Variants in GRM5 observed in about 807,000 individuals in gnomAD.
GRM5 encodes the protein glutamate metabotropic receptor 5, also known as metabotropic glutamate receptor 5.
In GRM5, 19 loss-of-function variants were observed where a neutral mutation model predicts 83.1. The ratio of observed to expected loss-of-function variants is 0.23; its 90% CI spans 0.16 to 0.34. The LOEUF is 0.34. Ranked by LOEUF, GRM5 falls within the 10% of genes least tolerant of loss-of-function variation. The pLI is 1.00. For synonymous variants in GRM5, 675 were observed against 633.6 expected (o/e 1.07, Z -0.98); for missense variants, 1,160 against 1,588.3 (o/e 0.73, Z 4.58).
intron 3 of GRM5, among the ~76,000 whole-genome samples, chr11:88,752,732 C>A (rs1273592374): frequency 6.6e-6 from 1 of 152,168 alleles, no homozygotes; most frequent in Non-Finnish European, 1.5e-5. Flanking sequence ...GTAACCAAAG[C>A]AGCATACTAC....
At chr11:88,631,395 C>T (rs990484298) in intron 4 of GRM5, among the ~76,000 whole-genome samples, 1 of 152,084 alleles carries the variant, frequency 6.6e-6, no homozygotes, top group African/African-American at 2.4e-5. Flanking sequence ...TTTACTAATA[C>T]CACATATTGT....
intron 3 of GRM5, among the ~76,000 whole-genome samples, chr11:88,797,239 T>A (rs1019552897): frequency 1.3e-5 from 2 of 152,100 alleles, no homozygotes; most frequent in Non-Finnish European, 2.9e-5. Flanking sequence ...AACCTCCGCC[T>A]CCTGGGTTCA....
At chr11:88,626,368 A>T (rs1163383496) in intron 4 of GRM5, among the ~76,000 whole-genome samples, 1 of 152,134 alleles carries the variant, frequency 6.6e-6, no homozygotes, top group Non-Finnish European at 1.5e-5. Flanking sequence ...ACCTTCTGGC[A>T]ATAAGAGTTT....
intron 3 of GRM5, among the ~76,000 whole-genome samples, chr11:88,845,578 C>G (rs12269830): frequency 2.0e-5 from 3 of 151,612 alleles, no homozygotes; most frequent in Non-Finnish European, 4.4e-5. Context: ...GGACTACAGG[C>G]GCACGCCGCG....
chr11:88,877,050 A>G (rs1944866957), intron 2 of GRM5, among the ~76,000 whole-genome samples: 2 of 152,044 alleles, frequency 1.3e-5, no homozygotes, highest in South Asian at 4.1e-4. Context: ...GATAGTGGTT[A>G]CCAGATGCTG....
intron 3 of GRM5, among the ~76,000 whole-genome samples, chr11:88,816,532 C>G (rs1278234388): frequency 7.2e-6 from 1 of 138,136 alleles, no homozygotes; most frequent in Non-Finnish European, 1.5e-5. Context: ...GAGCAAGACT[C>G]CATCTCAAAA....
At chr11:88,713,679 AAAC>A (rs937147593) in intron 3 of GRM5, among the ~76,000 whole-genome samples, 1 of 152,186 alleles carries the variant, frequency 6.6e-6, no homozygotes, top group East Asian at 1.9e-4. Flanking sequence ...ATAGAAAGAA[AAAC>A]AACATTTTTT....
rs374308890 is a variant in GRM5, at chr11:88,604,066, T to C, written c.1394+652A>G. Among the ~76,000 whole-genome samples the C allele has an allele frequency of 1.1e-3, 175 of 152,264 alleles. 1 individual carries two copies. In the Middle Eastern group the frequency reaches 0.014, roughly 12 times the overall value. ...TGACTATGTAGAGTCATTTAAGAAT[T>C]TGGAGTAGAAGACAAATGTGAATTA... On this transcript the variant is annotated intron_variant, in intron 5 of 9. Coordinates refer to ENST00000305447, the MANE Select transcript of GRM5 (RefSeq NM_001143831.3).
At chr11:88,627,207 A>G (rs975083619) in intron 4 of GRM5, among the ~76,000 whole-genome samples, 1 of 152,220 alleles carries the variant, frequency 6.6e-6, no homozygotes, top group Non-Finnish European at 1.5e-5. Context: ...CAGGATATAA[A>G]TCTAGCCTGT....
intron 3 of GRM5, among the ~76,000 whole-genome samples, chr11:88,836,756 C>T (rs1241578925): frequency 6.6e-6 from 1 of 152,134 alleles, no homozygotes; most frequent in Non-Finnish European, 1.5e-5. Context: ...CATACCGCCA[C>T]TGCACTCCAG....
At chr11:88,971,995 G>A (rs748898109) in intron 2 of GRM5, among the ~76,000 whole-genome samples, 6 of 152,000 alleles carry the variant, frequency 3.9e-5, no homozygotes, top group African/African-American at 7.2e-5. Flanking sequence ...TCAAGTCTGG[G>A]ACAAATTCAA....
At chr11:88,811,158 T>A (rs1215679931) in intron 3 of GRM5, among the ~76,000 whole-genome samples, 2 of 152,080 alleles carry the variant, frequency 1.3e-5, no homozygotes, top group Non-Finnish European at 2.9e-5. Flanking sequence ...GTGGATCACT[T>A]AGAAGGACAA....
At chr11:88,926,298 T>C (rs1945788544) in intron 2 of GRM5, among the ~76,000 whole-genome samples, 1 of 152,196 alleles carries the variant, frequency 6.6e-6, no homozygotes, top group Non-Finnish European at 1.5e-5. Context: ...ATACTTTGTT[T>C]TCTACAGTGT....
chr11:88,788,773 G>A (rs1353996515), intron 3 of GRM5, among the ~76,000 whole-genome samples: 2 of 152,162 alleles, frequency 1.3e-5, no homozygotes. Context: ...AAACTAGAAA[G>A]GGGGCTATTA....
intron 2 of GRM5, among the ~76,000 whole-genome samples, chr11:88,855,316 T>A (rs1185152304): frequency 6.6e-6 from 1 of 151,918 alleles, no homozygotes; most frequent in Non-Finnish European, 1.5e-5. Flanking sequence ...TTTTTACTAT[T>A]CTCTTTCATA....
At chr11:89,062,485 C>T (rs1302024157) in intron 1 of GRM5, among the ~76,000 whole-genome samples, 1 of 152,128 alleles carries the variant, frequency 6.6e-6, no homozygotes, top group Non-Finnish European at 1.5e-5. Context: ...CAATAAAATC[C>T]CATGTAGCGA....
At chr11:89,037,491 C>T (rs964104469) in intron 2 of GRM5, among the ~76,000 whole-genome samples, 2 of 151,872 alleles carry the variant, frequency 1.3e-5, no homozygotes, top group African/African-American at 4.8e-5. Context: ...GCAAATATAT[C>T]CTTGGAATCT....
chr11:88,655,720 A>G (rs926581577), intron 3 of GRM5, among the ~76,000 whole-genome samples: 3 of 148,564 alleles, frequency 2.0e-5, no homozygotes, highest in African/African-American at 7.5e-5. Context: ...TTAATAACTT[A>G]GAAAACTATG....
At chr11:88,549,664 G>A (rs1240498689) in intron 8 of GRM5, among the ~76,000 whole-genome samples, 1 of 151,968 alleles carries the variant, frequency 6.6e-6, no homozygotes, top group Non-Finnish European at 1.5e-5. Context: ...GTATAGTATG[G>A]CACTGGTGGT....
Sources: allele counts gnomAD v4.1 joint callset (sites outside exome capture counted in the v4.1 genomes callset), GRCh38; gene constraint gnomAD v4.1.1; transcripts MANE v1.5; gene names NCBI Gene and HGNC (gene_info 2026-07-23, HGNC 2026-07-21).